GALNTL6: variants seen among roughly 807,000 people sequenced by gnomAD.
The protein encoded by GALNTL6 is polypeptide N-acetylgalactosaminyltransferase like 6.
A neutral mutation model predicts 73.7 loss-of-function variants in GALNTL6; 46 were observed. The ratio of observed to expected loss-of-function variants is 0.62; its 90% CI spans 0.49 to 0.80. The LOEUF is 0.80. GALNTL6 is among the 30% of genes least tolerant of loss of function. The pLI, the probability that GALNTL6 is intolerant of heterozygous loss-of-function variation, is 0.00. For missense variants in GALNTL6, 604 were observed against 755.0 expected, an observed-to-expected ratio of 0.80 and a Z score of 2.34; for synonymous variants, 259 against 263.7, an observed-to-expected ratio of 0.98 and a Z score of 0.17.
intron 2 of GALNTL6, among the ~76,000 whole-genome samples, chr4:171,929,929 G>A (rs1738123131): frequency 6.6e-6 from 1 of 152,202 alleles, no homozygotes; most frequent in South Asian, 2.1e-4. Flanking sequence ...CCGGGCCAAT[G>A]TCTGCCCCGT....
intron 3 of GALNTL6, among the ~76,000 whole-genome samples, chr4:172,269,977 CCG>C (rs1738584393): frequency 6.6e-6 from 1 of 152,048 alleles, no homozygotes; most frequent in Non-Finnish European, 1.5e-5. Flanking sequence ...CTCAAGTAAT[CCG>C]CCCACCTCGG....
chr4:172,670,318 T>G (rs1403081841), intron 5 of GALNTL6, among the ~76,000 whole-genome samples: 2 of 152,180 alleles, frequency 1.3e-5, no homozygotes, highest in Non-Finnish European at 2.9e-5. Context: ...GCATCTCTTT[T>G]TTTTTACTTT....
intron 2 of GALNTL6, among the ~76,000 whole-genome samples, chr4:172,004,935 T>C (rs999610206): frequency 2.0e-5 from 3 of 151,888 alleles, no homozygotes; most frequent in Non-Finnish European, 4.4e-5. Flanking sequence ...ATTTAACTCA[T>C]TTCTGGATAG....
intron 7 of GALNTL6, among the ~76,000 whole-genome samples, chr4:172,836,018 A>C (rs1425358292): frequency 6.6e-6 from 1 of 152,128 alleles, no homozygotes; most frequent in Non-Finnish European, 1.5e-5. Flanking sequence ...ACTCGGGGCC[A>C]CTGTTTCCTC....
At chr4:172,997,718 ATGTT>A (rs755192106) in intron 10 of GALNTL6, among the ~76,000 whole-genome samples, 3 of 152,176 alleles carry the variant, frequency 2.0e-5, no homozygotes, top group Non-Finnish European at 2.9e-5. Flanking sequence ...AGTAAATTCA[ATGTT>A]TGATAACAGA....
Position 172,552,837 on chromosome 4 carries a change from T to TAAA in GALNTL6, c.553+204166_553+204168dup, listed in dbSNP as rs397933315. Among the ~76,000 whole-genome samples, 464 of 80,402 alleles carry TAAA rather than the reference T, an allele frequency of 5.8e-3. 17 individuals are homozygous for TAAA. The highest frequency in any genetic ancestry group is 0.03 in the Admixed American group (171 of 5,796). The allele number at this position is 80,402 out of a possible 152,430, so 52.7% of individuals were successfully genotyped here. A position where few individuals can be genotyped will look rare whatever the true frequency, so the allele number is the denominator to read the frequency against. ...TAGGCTGGTGCAAAAGTAATTGCAG[T>TAAA]AAAAAAAAAAAAAAAAAAAAGGTAA... On this transcript the variant is annotated intron_variant, in intron 5 of 12. Transcript: ENST00000506823.
intron 2 of GALNTL6, among the ~76,000 whole-genome samples, chr4:171,866,016 G>C (rs575871396): frequency 6.6e-6 from 1 of 152,066 alleles, no homozygotes; most frequent in Non-Finnish European, 1.5e-5. Context: ...TATAAAAAAG[G>C]CTGTTTTCCC....
At chr4:172,990,889 T>C (rs897239815) in intron 10 of GALNTL6, among the ~76,000 whole-genome samples, 1 of 152,170 alleles carries the variant, frequency 6.6e-6, no homozygotes, top group African/African-American at 2.4e-5. Context: ...TGAATATAAC[T>C]CAAAGAAAAT....
intron 5 of GALNTL6, among the ~76,000 whole-genome samples, chr4:172,613,494 AC>A (rs1294254229): frequency 2.0e-4 from 31 of 152,052 alleles, no homozygotes; most frequent in Non-Finnish European, 2.9e-5. Context: ...AGAGACTGGG[AC>A]TTTATTCGAG....
At chr4:172,406,881 A>G (rs1481320540) in intron 5 of GALNTL6, among the ~76,000 whole-genome samples, 1 of 152,024 alleles carries the variant, frequency 6.6e-6, no homozygotes, top group Non-Finnish European at 1.5e-5. Flanking sequence ...CAAGATGAGA[A>G]CCAAATATTA....
At chr4:172,560,240 G>C (rs1057451176) in intron 5 of GALNTL6, among the ~76,000 whole-genome samples, 1 of 152,162 alleles carries the variant, frequency 6.6e-6, no homozygotes, top group South Asian at 2.1e-4. Flanking sequence ...CACTTTAGGA[G>C]GTTTAGGCAA....
intron 2 of GALNTL6, among the ~76,000 whole-genome samples, chr4:172,119,115 A>G (rs1384206138): frequency 6.6e-6 from 1 of 152,150 alleles, no homozygotes; most frequent in Admixed American, 6.5e-5. Context: ...TCAATATTAC[A>G]CTATTGTATT....
chr4:172,991,121 T>C (rs1751519700), intron 10 of GALNTL6, among the ~76,000 whole-genome samples: 1 of 152,184 alleles, frequency 6.6e-6, no homozygotes, highest in South Asian at 2.1e-4. Flanking sequence ...AAGTAATTTC[T>C]TTAACAAAAA....
At chr4:172,458,688 G>T (rs1732498734) in intron 5 of GALNTL6, among the ~76,000 whole-genome samples, 3 of 151,644 alleles carry the variant, frequency 2.0e-5, no homozygotes, top group Admixed American at 2.0e-4. Context: ...CCAAATCCTT[G>T]AATAGACAAG....
intron 2 of GALNTL6, among the ~76,000 whole-genome samples, chr4:172,172,658 C>T (rs923284962): frequency 6.6e-6 from 1 of 152,096 alleles, no homozygotes; most frequent in African/African-American, 2.4e-5. Flanking sequence ...TTCTGGCCTC[C>T]AGAGCTGTGA....
At chr4:172,332,551 C>T (rs779102144) in intron 4 of GALNTL6, among the ~76,000 whole-genome samples, 1 of 151,554 alleles carries the variant, frequency 6.6e-6, no homozygotes, top group Non-Finnish European at 1.5e-5. Flanking sequence ...CACATATAAG[C>T]GAGAACATGT....
chr4:172,871,811 T>C (rs1744959614), intron 7 of GALNTL6, among the ~76,000 whole-genome samples: 1 of 151,796 alleles, frequency 6.6e-6, no homozygotes, highest in Non-Finnish European at 1.5e-5. Flanking sequence ...GGTGATGGAG[T>C]TTCGCTCTTT....
chr4:172,433,455 C>T (rs537528349), intron 5 of GALNTL6, among the ~76,000 whole-genome samples: 15 of 152,056 alleles, frequency 9.9e-5, no homozygotes, highest in Non-Finnish European at 1.9e-4. Flanking sequence ...GGATTCCCTG[C>T]CTGATGGACA....
intron 2 of GALNTL6, among the ~76,000 whole-genome samples, chr4:171,871,700 G>GA (rs1310908496): frequency 6.6e-6 from 1 of 151,870 alleles, no homozygotes; most frequent in African/African-American, 2.4e-5. Context: ...TTTAGGTCCC[G>GA]AAAAAAACAC....
Sources: allele counts gnomAD v4.1 joint callset (sites outside exome capture counted in the v4.1 genomes callset), GRCh38; gene constraint gnomAD v4.1.1; transcripts MANE v1.5; gene names NCBI Gene and HGNC (gene_info 2026-07-23, HGNC 2026-07-21).